Variants in PAFAH1B3 observed in about 807,000 individuals in gnomAD.
PAFAH1B3 encodes platelet-activating factor acetylhydrolase IB subunit alpha1.
Under a neutral mutation model 24.4 loss-of-function variants are expected in PAFAH1B3, and 15 were observed. The observed-to-expected ratio is 0.62, with a 90% confidence interval of 0.41 to 0.95. The LOEUF (loss-of-function observed/expected upper bound fraction) is 0.95. PAFAH1B3 is among the 40% of genes least tolerant of loss of function. The pLI is 0.00. For synonymous variants in PAFAH1B3, 144 were observed against 126.5 expected, an observed-to-expected ratio of 1.14 and a Z score of -0.93; for missense variants, 266 against 312.2, an observed-to-expected ratio of 0.85 and a Z score of 1.12.
Position 42,300,031 on chromosome 19 carries a change from C to A in PAFAH1B3, c.347G>T (p.Gly116Val). The A allele has an allele frequency of 1.2e-6, 2 of 1,614,198 alleles. No individual in the cohort carries two copies. Among genetic ancestry groups the A allele is most frequent in the Non-Finnish European group, 1.7e-6 (2 of 1,180,018 alleles). The part of the protein sequence containing the change: ...HGHTAEQVTG[G>V]IKAIVQLVNE... ...CACCAGTTGCACAATGGCCTTGATG[C>A]CACCAGTCACCTGCTCTGCTGTGTG... Residue 116 changes from glycine to valine, a missense_variant, in exon 4 of 5, where the codon GGC becomes GTC. Physicochemically the swap from Gly to Val is moderately radical, Grantham distance 109 (BLOSUM62 -3). Coordinates refer to ENST00000262890, the MANE Select transcript of PAFAH1B3 (RefSeq NM_002573.4).
intron 4 of PAFAH1B3, among the ~76,000 whole-genome samples, chr19:42,297,813 TC>T (rs997854884): frequency 7.2e-5 from 11 of 152,048 alleles, no homozygotes; most frequent in African/African-American, 2.4e-4. Flanking sequence ...GACTTCATGA[TC>T]CGCCCGCCTC....
Position 42,302,571 on chromosome 19 carries a change from G to T in PAFAH1B3, c.-262C>A, listed in dbSNP as rs1042678504. On this transcript the variant is annotated 5_prime_UTR_variant, in exon 1 of 5. Transcript: ENST00000262890. ...ACAGTGGGCTCGCCCGGCGCTTCCC[G>T]CTCGGGCCGCTGACTCCCAGGCCGC... 28 of 439,010 alleles carry T rather than the reference G, an allele frequency of 6.4e-5. No homozygotes were observed. The highest frequency in any genetic ancestry group is 1.0e-4 in the Non-Finnish European group (25 of 243,480). 27.2% of individuals were successfully genotyped at this position (439,010 alleles called of 1,614,324 possible). A position where few individuals can be genotyped will look rare whatever the true frequency, so the allele number is the denominator to read the frequency against.
At position 42,297,123 on chromosome 19, in the gene PAFAH1B3, G is replaced by C; in HGVS notation, c.651C>G (p.Ala217=). 1 of 1,612,120 alleles carries C rather than the reference G, an allele frequency of 6.2e-7. No individual in the cohort carries two copies. The highest frequency in any genetic ancestry group is 8.5e-7 in the Non-Finnish European group (1 of 1,178,312). ...ALHSLLLRLL[A]QDQGQGAPLL... The stretch of plus-strand genomic sequence containing the variant: ...GGGGAGCACCTTGGCCCTGGTCTTG[G>C]GCCAGCAGACGCAGAAGCAGGGAGT... The change falls in exon 5 of 5, where the codon GCC becomes GCG. Residue 217 remains alanine, a synonymous_variant. Transcript: ENST00000262890.
rs1414268480 is a variant in PAFAH1B3 at position 42,302,214 on chromosome 19, C to T, written c.78+18G>A. On this transcript the variant is annotated intron_variant, in intron 1 of 4. Transcript: ENST00000262890. Reference sequence around the variant, plus strand: ...CCGCGCCCCCGGACTCCTCAATATCCCAGGTGGGAACGCTCACCAGGGACA... The same window carrying T: ...CCGCGCCCCCGGACTCCTCAATATCTCAGGTGGGAACGCTCACCAGGGACA... The T allele has an allele frequency of 1.1e-5, 18 of 1,579,046 alleles. No homozygotes were observed. Among genetic ancestry groups the T allele is most frequent in the Non-Finnish European group, 1.5e-5 (18 of 1,162,290 alleles).
In PAFAH1B3 at chr19:42,297,312, C is replaced by T; in HGVS notation, c.462G>A (p.Gln154=). 1 of 1,613,506 alleles carries T rather than the reference C, an allele frequency of 6.2e-7. No individual in the cohort carries two copies. The highest frequency in any genetic ancestry group is 1.1e-5 in the South Asian group (1 of 91,072). The change falls in exon 5 of 5, where the codon CAG becomes CAA. Residue 154 remains glutamine (Q), a synonymous_variant. Coordinates refer to ENST00000262890, the MANE Select transcript of PAFAH1B3 (RefSeq NM_002573.4). ...GTGCCGCCCGTACCAGCTCGTTCAC[C>T]TGTCGGTTCTTCTCCCGAAGTGGGT... ...HPNPLREKNR[Q]VNELVRAALA... is the part of the protein sequence containing the mutation.
At chr19:42,299,793 C>T (rs1414794614) in intron 4 of PAFAH1B3, 177 bp downstream of exon 4, 3 of 831,670 alleles carry the variant, frequency 3.6e-6, no homozygotes, top group East Asian at 2.5e-5. Flanking sequence ...GCTAATTGGT[C>T]TCGGAGCATA....
rs763143859 is a variant in PAFAH1B3, at chr19:42,300,052, G to C, written c.326C>G (p.Thr109Arg). 1.2e-6 allele frequency: 2 copies of C among 1,614,204 alleles called. No individual in the cohort carries two copies. Among genetic ancestry groups the C allele is most frequent in the Middle Eastern group, 1.6e-4 (1 of 6,062 alleles). The change falls in exon 4 of 5, where the codon ACA becomes AGA. Residue 109 changes from threonine to arginine, a missense_variant. Thr to Arg is a moderately conservative substitution (Grantham distance 71). Transcript: ENST00000262890. ...GATGCCACCAGTCACCTGCTCTGCT[G>C]TGTGTCCGTGGTTGTTGGTGCCCAC... is the stretch of plus-strand genomic sequence containing the variant. ...VWVGTNNHGH[T>R]AEQVTGGIKA...
intron 1 of PAFAH1B3, 45 bp from the exon 2 acceptor site, chr19:42,302,084 G>T: frequency 6.5e-7 from 1 of 1,526,814 alleles, no homozygotes; most frequent in Non-Finnish European, 8.9e-7. Context: ...CACGCTCCAG[G>T]GCCCGCCCCG....
At chr19:42,300,125 G>C in intron 3 of PAFAH1B3, 33 bp from the exon 4 acceptor site, 1 of 1,613,872 alleles carries the variant, frequency 6.2e-7, no homozygotes, top group East Asian at 2.2e-5. Flanking sequence ...CAGCGGTGAG[G>C]GGGCAGCCAA....
At chr19:42,299,056 A>G (rs917284423) in intron 4 of PAFAH1B3, among the ~76,000 whole-genome samples, 6 of 145,668 alleles carry the variant, frequency 4.1e-5, no homozygotes, top group Admixed American at 2.8e-4. Context: ...TTTGTGATCC[A>G]CCCTCTTCAG....
At chr19:42,300,428 C>T (rs1181366182) in intron 2 of PAFAH1B3, 141 bp from the exon 3 acceptor site, 11 of 685,290 alleles carry the variant, frequency 1.6e-5, no homozygotes, top group Non-Finnish European at 2.6e-5. Context: ...TAAAATTTTA[C>T]CTGGAGCAAA....
At position 42,302,273 on chromosome 19, in the gene PAFAH1B3, G is replaced by A. The variant is rs780100836; in HGVS notation, c.37C>T (p.Pro13Ser). The A allele has an allele frequency of 3.1e-6, 5 of 1,607,000 alleles. No individual in the cohort carries two copies. ...GEENPASKPT[P>S]VQDVQGDGRW... is the part of the protein sequence containing the mutation. ...CCGTCGCCCTGTACGTCCTGCACCG[G>A]CGTGGGCTTGCTGGCTGGGTTCTCC... The change falls in exon 1 of 5, where the codon CCG (proline) becomes TCG (serine). Residue 13 changes from proline to serine, a missense_variant. Physicochemically the swap from Pro to Ser is moderately conservative, Grantham distance 74 (BLOSUM62 -1). Coordinates refer to ENST00000262890, the MANE Select transcript of PAFAH1B3 (RefSeq NM_002573.4).
chr19:42,302,091 C>T, intron 1 of PAFAH1B3, 52 bp from the exon 2 acceptor site: 1 of 1,524,304 alleles, frequency 6.6e-7, no homozygotes, highest in South Asian at 1.2e-5. Flanking sequence ...CAGGGCCCGC[C>T]CCGCCCTGCT....
chr19:42,300,397 C>G, intron 2 of PAFAH1B3, 110 bp from the exon 3 acceptor site: 1 of 916,442 alleles, frequency 1.1e-6, no homozygotes, highest in African/African-American at 1.6e-5. Flanking sequence ...ATGGAAGAAC[C>G]TTACTTCATG....
intron 4 of PAFAH1B3, 152 bp downstream of exon 4, chr19:42,299,818 C>A: frequency 1.0e-6 from 1 of 959,396 alleles, no homozygotes; most frequent in Non-Finnish European, 1.6e-6. Flanking sequence ...CAACCACAGC[C>A]ACTCTGAAGG....
At chr19:42,301,565 ATAT>A (rs1444104311) in intron 2 of PAFAH1B3, among the ~76,000 whole-genome samples, 1 of 152,190 alleles carries the variant, frequency 6.6e-6, no homozygotes, top group Non-Finnish European at 1.5e-5. Context: ...TTGTGGAAAG[ATAT>A]TATTATGATT....
upstream of PAFAH1B3, chr19:42,302,627 G>A: frequency 2.7e-6 from 1 of 365,728 alleles, no homozygotes; most frequent in Non-Finnish European, 5.1e-6. Context: ...GGAGGGAGAG[G>A]CGAGACCATC....
At chr19:42,298,162 A>G (rs927850721) in intron 4 of PAFAH1B3, among the ~76,000 whole-genome samples, 1 of 151,664 alleles carries the variant, frequency 6.6e-6, no homozygotes, top group African/African-American at 2.4e-5. Context: ...ATGCCACCGC[A>G]CTCCAGCCTG....
chr19:42,302,082 AG>A, intron 1 of PAFAH1B3, 43 bp from the exon 2 acceptor site: 1 of 1,530,672 alleles, frequency 6.5e-7, no homozygotes, highest in Non-Finnish European at 8.9e-7. Flanking sequence ...TGCACGCTCC[AG>A]GGCCCGCCCC....
Sources: allele counts gnomAD v4.1 joint callset (sites outside exome capture counted in the v4.1 genomes callset), GRCh38; gene constraint gnomAD v4.1.1; transcripts MANE v1.5; gene names NCBI Gene and HGNC (gene_info 2026-07-23, HGNC 2026-07-21).